The following PRORP variants were observed in gnomAD, a reference collection of about 807,000 sequenced individuals.
PRORP encodes the protein mitochondrial ribonuclease P catalytic subunit.
Under a neutral mutation model 59.4 loss-of-function variants are expected in PRORP, and 51 were observed. The ratio of observed to expected loss-of-function variants is 0.86; its 90% CI spans 0.69 to 1.08. PRORP has a LOEUF of 1.08. Among genes scored for constraint, PRORP ranks in the 50% least tolerant of loss-of-function variants. The probability of loss-of-function intolerance (pLI) is 0.00; values close to 1 mark genes in which losing one functional copy is unlikely to be tolerated. For synonymous variants in PRORP, 231 were observed against 245.6 expected (o/e 0.94, Z 0.55); for missense variants, 646 against 690.3 (o/e 0.94, Z 0.72).
chr14:35,195,335 A>G (rs534959841), intron 5 of PRORP, among the ~76,000 whole-genome samples: 2 of 152,156 alleles, frequency 1.3e-5, no homozygotes, highest in Non-Finnish European at 2.9e-5. Context: ...ACAGAAGCCA[A>G]CTGAGTACTG....
At chr14:35,195,621 TG>T (rs1452501123) in intron 5 of PRORP, among the ~76,000 whole-genome samples, 1 of 152,130 alleles carries the variant, frequency 6.6e-6, no homozygotes, top group Non-Finnish European at 1.5e-5. Context: ...AAATCTTTAA[TG>T]GTATAAACTT....
chr14:35,163,018 T>G (rs909398130), intron 4 of PRORP, among the ~76,000 whole-genome samples: 1 of 152,146 alleles, frequency 6.6e-6, no homozygotes, highest in Non-Finnish European at 1.5e-5. Flanking sequence ...ATGACACTAT[T>G]TTGATTATTG....
rs1188351292 is a variant in PRORP at position 35,143,304 on chromosome 14, G to A, written c.1167+15693G>A. ...CCTCCCCCGAGTAGCTGGGATTACA[G>A]GCATATGCCACCACACCCGGCTAAT... On this transcript the variant is annotated intron_variant, in intron 4 of 7. Coordinates refer to ENST00000534898, the MANE Select transcript of PRORP (RefSeq NM_014672.4). Among the ~76,000 whole-genome samples the A allele has an allele frequency of 1.4e-5, 2 of 144,412 alleles. 1 individual carries two copies. The highest frequency in any genetic ancestry group is 3.1e-5 in the Non-Finnish European group (2 of 65,106). The allele number at this position is 144,412 out of a possible 152,430, so 94.7% of individuals were successfully genotyped here. A position where few individuals can be genotyped will look rare whatever the true frequency, so the allele number is the denominator to read the frequency against.
intron 5 of PRORP, among the ~76,000 whole-genome samples, chr14:35,255,194 C>T (rs565341946): frequency 1.3e-5 from 2 of 152,298 alleles, no homozygotes; most frequent in South Asian, 4.1e-4. Context: ...GTGGCGTGAT[C>T]TCGGCTCACT....
At chr14:35,178,134 A>C (rs2048501820) in intron 4 of PRORP, among the ~76,000 whole-genome samples, 1 of 152,108 alleles carries the variant, frequency 6.6e-6, no homozygotes, top group African/African-American at 2.4e-5. Context: ...CTGTTCTTTT[A>C]CATTTGCTGA....
intron 5 of PRORP, among the ~76,000 whole-genome samples, chr14:35,241,021 A>G (rs2050352108): frequency 6.6e-6 from 1 of 152,214 alleles, no homozygotes; most frequent in African/African-American, 2.4e-5. Flanking sequence ...CAGTATAACA[A>G]CTACTTACAT....
intron 4 of PRORP, among the ~76,000 whole-genome samples, chr14:35,167,682 G>A (rs573636467): frequency 2.9e-4 from 44 of 152,268 alleles, no homozygotes; most frequent in Middle Eastern, 3.4e-3. Flanking sequence ...ATACAGAGAT[G>A]GATTTTTTAT....
chr14:35,270,521 C>T lies in PRORP; in HGVS notation c.1545C>T (p.Arg515=), dbSNP rs774764426. Residue 515 remains arginine, a synonymous_variant, in exon 7 of 8, where the codon CGC becomes CGT. Transcript: ENST00000534898. Reference sequence around the variant, plus strand: ...GTCTGCCTGATGCCAAGACCCAACGCCTGTTTTTTAAGTGGCAGCAGGGAC... The same window carrying T: ...GTCTGCCTGATGCCAAGACCCAACGTCTGTTTTTTAAGTGGCAGCAGGGAC... ...KACLPDAKTQ[R]LFFKWQQGHQ... 2.5e-6 allele frequency: 4 copies of T among 1,614,138 alleles called. No individual in the cohort carries two copies. Among genetic ancestry groups the T allele is most frequent in the Middle Eastern group, 1.6e-4 (1 of 6,062 alleles).
At chr14:35,211,399 G>T (rs1479034962) in intron 5 of PRORP, among the ~76,000 whole-genome samples, 1 of 152,090 alleles carries the variant, frequency 6.6e-6, no homozygotes, top group Non-Finnish European at 1.5e-5. Flanking sequence ...CTAAGACCAT[G>T]CCTTGTGTAT....
chr14:35,142,893 C>G (rs1416486058), intron 4 of PRORP, among the ~76,000 whole-genome samples: 3 of 144,712 alleles, frequency 2.1e-5, no homozygotes, highest in African/African-American at 7.3e-5. Context: ...GTGGTCCAGG[C>G]TGGTCTTGAT....
chr14:35,187,432 T>TG (rs1450759747), intron 5 of PRORP, among the ~76,000 whole-genome samples: 3 of 150,708 alleles, frequency 2.0e-5, no homozygotes, highest in South Asian at 2.1e-4. Flanking sequence ...TTCTTTGTTT[T>TG]TTTTTTTTTT....
intron 5 of PRORP, among the ~76,000 whole-genome samples, chr14:35,250,739 T>G (rs2050593310): frequency 6.6e-6 from 1 of 152,188 alleles, no homozygotes; most frequent in South Asian, 2.1e-4. Flanking sequence ...CCTACTTGTT[T>G]CCTAAAGTCC....
At chr14:35,152,917 G>A (rs1484887614) in intron 4 of PRORP, among the ~76,000 whole-genome samples, 8 of 150,956 alleles carry the variant, frequency 5.3e-5, no homozygotes, top group Non-Finnish European at 8.8e-5. Flanking sequence ...CTGGGCAGCC[G>A]GGCAGAGGGG....
At chr14:35,172,344 A>G (rs1450233693) in intron 4 of PRORP, among the ~76,000 whole-genome samples, 4 of 151,252 alleles carry the variant, frequency 2.6e-5, no homozygotes, top group African/African-American at 9.7e-5. Flanking sequence ...TCTTGATTAT[A>G]TTTGCAATAG....
intron 4 of PRORP, among the ~76,000 whole-genome samples, chr14:35,147,240 C>T (rs996542726): frequency 2.0e-5 from 3 of 152,182 alleles, no homozygotes; most frequent in African/African-American, 7.2e-5. Flanking sequence ...TCTGAGCCTT[C>T]AGCAAGTTGT....
Position 35,234,101 on chromosome 14 carries a change from C to T in PRORP, c.1276-32626C>T, listed in dbSNP as rs562010157. 7.9e-5 allele frequency among the ~76,000 whole-genome samples: 12 copies of T among 152,234 alleles called. No homozygotes were observed. In the South Asian group the frequency reaches 2.1e-3, roughly 26 times the overall value. ...ATTTGTCTAAGAAATCATGTCAAGA[C>T]GCATCTTTCAATGAAATGTGTGCTC... On this transcript the variant is annotated intron_variant, in intron 5 of 7. Coordinates refer to ENST00000534898, the MANE Select transcript of PRORP (RefSeq NM_014672.4).
chr14:35,240,784 C>T lies in PRORP; in HGVS notation c.1276-25943C>T, dbSNP rs146223438. Among the ~76,000 whole-genome samples the T allele has an allele frequency of 7.9e-5, 12 of 152,268 alleles. No homozygotes were observed. The East Asian group carries it at 2.1e-3, about 27-fold the overall frequency. On this transcript the variant is annotated intron_variant, in intron 5 of 7. Transcript: ENST00000534898. ...CTGAAATTGCCTCCTCAATTAGTCCCTCTGGCCCTGCATTATCCAATATGG... is the reference window on the plus strand; with the variant it reads ...CTGAAATTGCCTCCTCAATTAGTCCTTCTGGCCCTGCATTATCCAATATGG...
intron 5 of PRORP, among the ~76,000 whole-genome samples, chr14:35,254,449 A>G (rs781131645): frequency 9.2e-5 from 14 of 151,910 alleles, no homozygotes; most frequent in African/African-American, 1.9e-4. Flanking sequence ...CTGGAGTGCA[A>G]TGACGCAATC....
intron 4 of PRORP, among the ~76,000 whole-genome samples, chr14:35,130,029 T>TC (rs2047197420): frequency 6.8e-6 from 1 of 146,528 alleles, no homozygotes; most frequent in Non-Finnish European, 1.5e-5. Context: ...GTTTAGACTT[T>TC]CTTTTTTTTT....
Sources: gnomAD v4.1 joint callset for allele counts (sites outside exome capture counted in the v4.1 genomes callset) on GRCh38, gnomAD v4.1.1 for gene constraint, MANE v1.5 for transcripts, NCBI Gene and HGNC (gene_info 2026-07-23, HGNC 2026-07-21) for gene names.